The following GRID2 variants were observed in gnomAD, a reference collection of about 807,000 sequenced individuals.
GRID2 encodes the protein glutamate ionotropic receptor delta type subunit 2.
GRID2 carries 33 observed loss-of-function variants against 114.8 expected under a neutral mutation model. That is an observed-to-expected ratio of 0.29 (90% CI 0.22 to 0.38). The LOEUF is 0.38. GRID2 is among the 10% of genes least tolerant of loss of function. The pLI is 1.00. For synonymous variants in GRID2, 505 were observed against 449.9 expected (o/e 1.12, Z -1.55); for missense variants, 1,184 against 1,257.7 (o/e 0.94, Z 0.89).
intron 2 of GRID2, among the ~76,000 whole-genome samples, chr4:93,010,032 A>G (rs1222353481): frequency 1.3e-5 from 2 of 152,086 alleles, no homozygotes; most frequent in East Asian, 3.9e-4. Flanking sequence ...GGTCCTGTCA[A>G]CTAACCTTTA....
chr4:92,940,851 T>C (rs561136825), intron 2 of GRID2, among the ~76,000 whole-genome samples: 89 of 152,342 alleles, frequency 5.8e-4, no homozygotes, highest in African/African-American at 2.1e-3. Context: ...TTTGGTTCTG[T>C]TTATATGCTG....
chr4:93,680,485 T>C (rs1725405496), intron 14 of GRID2, among the ~76,000 whole-genome samples: 1 of 151,248 alleles, frequency 6.6e-6, no homozygotes, highest in African/African-American at 2.4e-5. Flanking sequence ...AAAAAGAGAA[T>C]TTTAGACCAA....
intron 2 of GRID2, among the ~76,000 whole-genome samples, chr4:92,954,869 G>T (rs954635386): frequency 5.0e-5 from 7 of 139,480 alleles, no homozygotes; most frequent in Non-Finnish European, 7.7e-5. Context: ...TGCGGTGTTT[G>T]GTTTTTTGTT....
At chr4:93,782,862 C>A (rs1404086443) in intron 1 of GRID2, among the ~76,000 whole-genome samples, 1 of 151,144 alleles carries the variant, frequency 6.6e-6, no homozygotes, top group African/African-American at 2.4e-5. Context: ...TGCCTCACAG[C>A]CTTGCTTTTA....
At chr4:93,355,922 G>A (rs1761291880) in intron 8 of GRID2, among the ~76,000 whole-genome samples, 2 of 152,006 alleles carry the variant, frequency 1.3e-5, no homozygotes, top group Admixed American at 6.6e-5. Context: ...ACTCCAGTTT[G>A]TCTCTTACTC....
rs568552458 is a variant in GRID2, at chr4:93,730,109, C to G, written c.2361-39101C>G. On this transcript the variant is annotated intron_variant, in intron 14 of 15. Coordinates refer to ENST00000282020, the MANE Select transcript of GRID2 (RefSeq NM_001510.4). ...CATCCAAGCAGATATATTTAGTAGA[C>G]CACTGGAATTATCATTCTGAGTGCG... Among the ~76,000 whole-genome samples the G allele has an allele frequency of 2.0e-5, 3 of 152,218 alleles. No individual in the cohort carries two copies. The South Asian group carries it at 6.2e-4, about 32-fold the overall frequency.
chr4:93,128,308 T>C (rs1172334759), intron 4 of GRID2, among the ~76,000 whole-genome samples: 1 of 152,060 alleles, frequency 6.6e-6, no homozygotes, highest in Non-Finnish European at 1.5e-5. Flanking sequence ...ACAGAACTTT[T>C]GGATTAAATG....
chr4:93,379,657 T>A (rs1763677278), intron 8 of GRID2, among the ~76,000 whole-genome samples: 1 of 152,096 alleles, frequency 6.6e-6, no homozygotes, highest in Non-Finnish European at 1.5e-5. Flanking sequence ...GTCGATTGCA[T>A]ACAAAAGTGC....
At chr4:93,650,909 CA>C (rs200787739) in intron 14 of GRID2, among the ~76,000 whole-genome samples, 2 of 67,138 alleles carry the variant, frequency 3.0e-5, no homozygotes, top group Non-Finnish European at 5.6e-5. Context: ...ATACATACTG[CA>C]AAAAAAAATT....
At chr4:93,608,247 T>C (rs914741727) in intron 13 of GRID2, among the ~76,000 whole-genome samples, 3 of 150,016 alleles carry the variant, frequency 2.0e-5, no homozygotes, top group African/African-American at 7.3e-5. Context: ...ATAGGGATTT[T>C]ATTATTTTAT....
chr4:93,284,528 A>G (rs1579541509), intron 8 of GRID2, among the ~76,000 whole-genome samples: 1 of 151,704 alleles, frequency 6.6e-6, no homozygotes, highest in South Asian at 2.1e-4. Flanking sequence ...AATAATAATT[A>G]AAATATATAA....
At chr4:93,711,063 T>G (rs1235991598) in intron 14 of GRID2, among the ~76,000 whole-genome samples, 1 of 152,178 alleles carries the variant, frequency 6.6e-6, no homozygotes. Flanking sequence ...GTGCTTTAAT[T>G]TACTGTGTCT....
chr4:92,998,413 A>G (rs1755335123), intron 2 of GRID2, among the ~76,000 whole-genome samples: 2 of 152,006 alleles, frequency 1.3e-5, no homozygotes, highest in African/African-American at 4.8e-5. Flanking sequence ...TTTCAAATTA[A>G]AGTATGAGTT....
chr4:92,379,952 C>A (rs987535618), intron 1 of GRID2, among the ~76,000 whole-genome samples: 2 of 151,928 alleles, frequency 1.3e-5, no homozygotes, highest in Non-Finnish European at 2.9e-5. Flanking sequence ...TAATCCTATA[C>A]TTGTTGCTTT....
intron 8 of GRID2, among the ~76,000 whole-genome samples, chr4:93,362,726 T>G (rs1459233874): frequency 1.3e-5 from 2 of 152,100 alleles, no homozygotes; most frequent in Non-Finnish European, 2.9e-5. Flanking sequence ...TCTTTCATTC[T>G]GCCTCCAGTC....
chr4:92,672,564 C>G (rs1733126575), intron 2 of GRID2, among the ~76,000 whole-genome samples: 1 of 152,056 alleles, frequency 6.6e-6, no homozygotes. Flanking sequence ...CCAACAGTTT[C>G]TAACTTAATA....
At chr4:93,223,173 A>G (rs779265709) in intron 6 of GRID2, among the ~76,000 whole-genome samples, 27 of 152,080 alleles carry the variant, frequency 1.8e-4, no homozygotes, top group Non-Finnish European at 3.2e-4. Flanking sequence ...GCTGTATAGC[A>G]GACTTCAGCC....
intron 1 of GRID2, among the ~76,000 whole-genome samples, chr4:92,460,035 T>TATATATATATAC (rs1721410935): frequency 1.1e-5 from 1 of 88,648 alleles, no homozygotes; most frequent in African/African-American, 3.9e-5. Context: ...AATCTCACTA[T>TATATATATATAC]ATATATATAT....
chr4:92,573,415 T>G (rs1278656166), intron 1 of GRID2, among the ~76,000 whole-genome samples: 4 of 152,154 alleles, frequency 2.6e-5, no homozygotes, highest in Non-Finnish European at 5.9e-5. Flanking sequence ...GAGTGTCAAT[T>G]TGAGATCTTT....
Sources: allele counts gnomAD v4.1 joint callset (sites outside exome capture counted in the v4.1 genomes callset), GRCh38; gene constraint gnomAD v4.1.1; transcripts MANE v1.5; gene names NCBI Gene and HGNC (gene_info 2026-07-23, HGNC 2026-07-21).